Variants in TRPM7 observed in about 807,000 individuals in gnomAD.
The protein encoded by TRPM7 is LTRPC ion channel family member 7.
In TRPM7, 134 loss-of-function variants were observed where a neutral mutation model predicts 229.7. The observed-to-expected ratio is 0.58, with a 90% CI of 0.51 to 0.67. The LOEUF (loss-of-function observed/expected upper bound fraction) is 0.67, where lower values mean the gene tolerates loss of function less well. TRPM7 is among the 30% of genes least tolerant of loss of function. The pLI is 0.00. For synonymous variants in TRPM7, 699 were observed against 715.2 expected, an observed-to-expected ratio of 0.98 and a Z score of 0.36; for missense variants, 1,901 against 2,210.0, an observed-to-expected ratio of 0.86 and a Z score of 2.80.
chr15:50,592,373 C>G lies in TRPM7; in HGVS notation c.3862G>C (p.Val1288Leu), dbSNP rs779635709. ...LIDDGPVRPS[V>L]WKKHGVVNTL... ...TTTACAACACCATGCTTTTTCCATA[C>G]AGAAGGTCTTACAGGACCATCATCA... The change falls in exon 26 of 39, where the codon GTA becomes CTA. Residue 1288 changes from valine to leucine, a missense_variant. Val to Leu is a conservative substitution (Grantham distance 32). This residue lies in a region of TRPM7 where 533 missense variants were observed against 497.1 expected (regional missense o/e 1.07). Coordinates refer to ENST00000646667, the MANE Select transcript of TRPM7 (RefSeq NM_017672.6). The G allele has an allele frequency of 6.2e-7, 1 of 1,614,136 alleles. No homozygotes were observed. The highest frequency in any genetic ancestry group is 8.5e-7 in the Non-Finnish European group (1 of 1,180,018).
chr15:50,657,288 C>T (rs2061602359), intron 3 of TRPM7, among the ~76,000 whole-genome samples: 1 of 152,154 alleles, frequency 6.6e-6, no homozygotes, highest in African/African-American at 2.4e-5. Flanking sequence ...TGTGCCACTG[C>T]ACTCCAGCCT....
At chr15:50,610,575 A>G (rs1204428329) in intron 17 of TRPM7, among the ~76,000 whole-genome samples, 1 of 152,178 alleles carries the variant, frequency 6.6e-6, no homozygotes, top group East Asian at 1.9e-4. Context: ...AACAAAAAGC[A>G]AAGTTCAAAG....
In TRPM7 at chr15:50,607,260, T is replaced by G; in HGVS notation, c.2649A>C (p.Ser883=). 6.2e-7 allele frequency: 1 copy of G among 1,609,300 alleles called. No individual in the cohort carries two copies. The stretch of plus-strand genomic sequence containing the variant: ...AAGCAATAACAATCCATTCTTGAAC[T>G]GAAGGTAACTGTTCCATTTGTACAA... ...VVLVQMEQLP[S]VQEWIVIAYI... Residue 883 remains serine, a synonymous_variant, in exon 20 of 39, where the codon TCA becomes TCC. Transcript: ENST00000646667.
intron 28 of TRPM7, among the ~76,000 whole-genome samples, chr15:50,584,473 G>A (rs2054588282): frequency 6.6e-6 from 1 of 152,136 alleles, no homozygotes; most frequent in Non-Finnish European, 1.5e-5. Flanking sequence ...AGAAAAGAGA[G>A]TTCAATTCTT....
intron 28 of TRPM7, 58 bp from the exon 29 acceptor site, chr15:50,583,217 A>G: frequency 8.1e-7 from 1 of 1,235,464 alleles, no homozygotes; most frequent in Non-Finnish European, 1.2e-6. Flanking sequence ...ATGAATACCA[A>G]CTAACCAAAC....
chr15:50,658,513 T>C (rs1057384034), intron 2 of TRPM7, among the ~76,000 whole-genome samples: 1 of 148,540 alleles, frequency 6.7e-6, no homozygotes, highest in African/African-American at 2.5e-5. Flanking sequence ...GAGGCTAAAG[T>C]GAGCCATGAT....
At chr15:50,665,526 C>A (rs2061857567) in intron 1 of TRPM7, among the ~76,000 whole-genome samples, 1 of 151,948 alleles carries the variant, frequency 6.6e-6, no homozygotes, top group African/African-American at 2.4e-5. Context: ...AAATTTTAAA[C>A]CACCAACATT....
intron 27 of TRPM7, among the ~76,000 whole-genome samples, chr15:50,587,438 G>T (rs1596110289): frequency 7.3e-5 from 6 of 82,332 alleles, no homozygotes; most frequent in Admixed American, 1.8e-4. Flanking sequence ...ATGGAGTCTT[G>T]CTCCATCTCA....
rs1226038692 is a variant in TRPM7, at chr15:50,613,557, CTGTG to C, written c.1770+146_1770+149del. The C allele has an allele frequency of 6.1e-5, 20 of 328,932 alleles. No individual in the cohort carries two copies. The Admixed American group carries it at 8.3e-4, about 14-fold the overall frequency. 20.4% of individuals were successfully genotyped at this position (328,932 alleles called of 1,614,324 possible). A position where few individuals can be genotyped will look rare whatever the true frequency, so the allele number is the denominator to read the frequency against. On this transcript the variant is annotated intron_variant, in intron 15 of 38. Transcript: ENST00000646667. ...AATCATTAACTTATAATTAATATCT[CTGTG>C]TGTGAGAAAATGACAATTCTAGGAC...
intron 1 of TRPM7, 93 bp downstream of exon 1, chr15:50,686,438 A>G (rs2062362521): frequency 1.2e-6 from 2 of 1,602,772 alleles, no homozygotes; most frequent in Non-Finnish European, 8.5e-7. Flanking sequence ...GCCGCATGGA[A>G]CGCGGCTCCC....
chr15:50,615,307 C>A lies in TRPM7; in HGVS notation c.1495-1044G>T, dbSNP rs559733318. ...ATGTTTCCAGACTGGCCCAGAAATA[C>A]ATGTTAAGTATTTTTTTAACCAAAA... On this transcript the variant is annotated intron_variant, in intron 13 of 38. Coordinates refer to ENST00000646667, the MANE Select transcript of TRPM7 (RefSeq NM_017672.6). Among the ~76,000 whole-genome samples, 157 of 151,368 alleles carry A rather than the reference C, an allele frequency of 1.0e-3. 2 individuals are homozygous for A. The highest frequency in any genetic ancestry group is 3.7e-3 in the African/African-American group (151 of 41,210).
chr15:50,663,674 A>G (rs1218715307), intron 1 of TRPM7, among the ~76,000 whole-genome samples: 1 of 152,194 alleles, frequency 6.6e-6, no homozygotes, highest in African/African-American at 2.4e-5. Flanking sequence ...GAGCCATTTA[A>G]AAGACAACTA....
chr15:50,672,358 TCCTA>T (rs1487858057), intron 1 of TRPM7, among the ~76,000 whole-genome samples: 11 of 151,384 alleles, frequency 7.3e-5, no homozygotes, highest in African/African-American at 2.2e-4. Context: ...GCCCGGCCAC[TCCTA>T]CCTATTTTTT....
rs2059562527 is a variant in TRPM7 at position 50,593,730 on chromosome 15, T to C, written c.3495A>G (p.Glu1165=). 1 of 1,609,370 alleles carries C rather than the reference T, an allele frequency of 6.2e-7. No homozygotes were observed. Among genetic ancestry groups the C allele is most frequent in the Non-Finnish European group, 8.5e-7 (1 of 1,178,800 alleles). ...CAAAATCATGAAGTTTCTTTTGATC[T>C]TCTTCTGTTAAGAAAAGTTCTATGG... ...SDGPKLFLTE[E]DQKKLHDFEE... Residue 1165 remains glutamate (E), a synonymous_variant, in exon 25 of 39, where the codon GAA becomes GAG. Transcript: ENST00000646667.
chr15:50,567,440 C>T (rs1218401304), intron 38 of TRPM7, among the ~76,000 whole-genome samples: 6 of 152,092 alleles, frequency 3.9e-5, no homozygotes, highest in Non-Finnish European at 5.9e-5. Flanking sequence ...CAATTCTATA[C>T]AATCTATTCC....
chr15:50,676,338 T>C (rs999454810), intron 1 of TRPM7, among the ~76,000 whole-genome samples: 2 of 152,092 alleles, frequency 1.3e-5, no homozygotes, highest in Admixed American at 6.6e-5. Context: ...TGATTATATA[T>C]ATTAAAATTA....
At chr15:50,677,365 T>A (rs947389412) in intron 1 of TRPM7, among the ~76,000 whole-genome samples, 2 of 151,870 alleles carry the variant, frequency 1.3e-5, no homozygotes, top group Admixed American at 1.3e-4. Flanking sequence ...CTTCAAGATA[T>A]GAATTCTCGG....
At chr15:50,607,762 T>C (rs2059954949) in intron 19 of TRPM7, among the ~76,000 whole-genome samples, 1 of 151,376 alleles carries the variant, frequency 6.6e-6, no homozygotes, top group Non-Finnish European at 1.5e-5. Flanking sequence ...AAAAGACAAC[T>C]GGGGCACGCC....
At chr15:50,585,541 A>T (rs997514871) in intron 28 of TRPM7, among the ~76,000 whole-genome samples, 1 of 152,228 alleles carries the variant, frequency 6.6e-6, no homozygotes, top group African/African-American at 2.4e-5. Flanking sequence ...ACTGAATGTT[A>T]ACCAAATCAG....
Sources: allele counts gnomAD v4.1 joint callset (sites outside exome capture counted in the v4.1 genomes callset), GRCh38; gene constraint gnomAD v4.1.1; regional missense constraint gnomAD v4.1.1; transcripts MANE v1.5; gene names NCBI Gene and HGNC (gene_info 2026-07-23, HGNC 2026-07-21).